Variants in ACTR8 observed in about 807,000 individuals in gnomAD.
ACTR8 encodes actin related protein 8.
A neutral mutation model predicts 84.3 loss-of-function variants in ACTR8; 70 were observed. That is an observed-to-expected ratio of 0.83 (90% confidence interval 0.68 to 1.01). The LOEUF (loss-of-function observed/expected upper bound fraction) is 1.01, where lower values mean the gene tolerates loss of function less well. ACTR8 is among the 50% of genes least tolerant of loss of function. The pLI is 0.00. For missense variants in ACTR8, 672 were observed against 775.4 expected (o/e 0.87, Z 1.58); for synonymous variants, 268 against 275.2 (o/e 0.97, Z 0.26).
At chr3:53,877,897 G>C in intron 3 of ACTR8, 146 bp from the exon 4 acceptor site, 1 of 647,176 alleles carries the variant, frequency 1.5e-6, no homozygotes, top group Non-Finnish European at 2.7e-6. Context: ...GGCTGCAAAA[G>C]GATTCTCTTG....
intron 11 of ACTR8, 67 bp downstream of exon 11, chr3:53,871,165 C>A: frequency 6.4e-7 from 1 of 1,574,358 alleles, no homozygotes; most frequent in South Asian, 1.2e-5. Flanking sequence ...ATATCCTAGA[C>A]TGAACCAATT....
chr3:53,872,620 A>C, intron 9 of ACTR8, 96 bp from the exon 10 acceptor site: 1 of 1,389,740 alleles, frequency 7.2e-7, no homozygotes, highest in Non-Finnish European at 9.6e-7. Context: ...AAACTGGCAG[A>C]TCAGATTCCC....
At chr3:53,859,027 C>G in the ACTR8 span, 1 of 477,002 alleles carries the variant, frequency 2.1e-6, no homozygotes. Flanking sequence ...TAAAACCACT[C>G]GTGACTCTTT....
In ACTR8 at chr3:53,868,744, C is replaced by T. The variant is rs1390608287; in HGVS notation, c.1850G>A (p.Arg617Gln). The stretch of plus-strand genomic sequence containing the variant: ...TCACCACACAAACGCAGCCCGCTCT[C>T]GTAACATGCGGACACCAAAGCGCTG... Reference protein sequence around the residue: ...EWQRFGVRMLRERAAFVW With the variant: ...EWQRFGVRMLQERAAFVW Residue 617 changes from arginine (R) to glutamine (Q), a missense_variant, in exon 13 of 13, where the codon CGA becomes CAA. Arg to Gln is a conservative substitution (Grantham distance 43). Transcript: ENST00000335754. 4 of 1,614,192 alleles carry T rather than the reference C, an allele frequency of 2.5e-6. No homozygotes were observed. Among genetic ancestry groups the T allele is most frequent in the Non-Finnish European group, 3.4e-6 (4 of 1,180,020 alleles).
chr3:53,881,699 A>AGCTTCCCCGGGTTGT (rs1700062920), intron 1 of ACTR8: 1 of 518,024 alleles, frequency 1.9e-6, no homozygotes, highest in Admixed American at 3.3e-5. Context: ...AGCTGAGGCC[A>AGCTTCCCCGGGTTGT]GAGCCCGGGC....
chr3:53,868,966 G>A, intron 12 of ACTR8, 104 bp from the exon 13 acceptor site: 1 of 1,430,222 alleles, frequency 7.0e-7, no homozygotes, highest in Non-Finnish European at 9.4e-7. Flanking sequence ...TCAATACCTA[G>A]TAAGCCAGGC....
intron 2 of ACTR8, 42 bp downstream of exon 2, chr3:53,879,897 G>C (rs373967746): frequency 4.9e-5 from 76 of 1,547,632 alleles, no homozygotes; most frequent in Non-Finnish European, 6.6e-5. Context: ...CCCTCCCAGG[G>C]AAACAACCTT....
chr3:53,878,317 T>C (rs1050970399), intron 3 of ACTR8, 40 bp downstream of exon 3: 10 of 1,346,456 alleles, frequency 7.4e-6, no homozygotes, highest in East Asian at 4.6e-5. Flanking sequence ...ATGATACCAA[T>C]AGTGGTGATA....
At position 53,872,659 on chromosome 3, in the gene ACTR8, G is replaced by A. The variant is rs533308714; in HGVS notation, c.1162-135C>T. 1,883 of 1,124,270 alleles carry A rather than the reference G, an allele frequency of 1.7e-3. 6 individuals carry two copies. Among genetic ancestry groups the A allele is most frequent in the South Asian group, 2.7e-3 (137 of 51,230 alleles). 69.6% of individuals were successfully genotyped at this position (1,124,270 alleles called of 1,614,324 possible). A position where few individuals can be genotyped will look rare whatever the true frequency, so the allele number is the denominator to read the frequency against. On this transcript the variant is annotated intron_variant, in intron 9 of 12. Coordinates refer to ENST00000335754, the MANE Select transcript of ACTR8 (RefSeq NM_022899.5). The stretch of plus-strand genomic sequence containing the variant: ...GTTAGACTGGGCAATGTTCTCTTTC[G>A]GGAGTGGCATTATTTCTCTGGTGCA...
At chr3:53,871,134 A>C in intron 11 of ACTR8, 98 bp downstream of exon 11, 1 of 1,466,582 alleles carries the variant, frequency 6.8e-7, no homozygotes, top group Non-Finnish European at 9.2e-7. Flanking sequence ...CTTTTCAATG[A>C]ATATGTTATA....
chr3:53,871,047 A>C, intron 11 of ACTR8, 185 bp downstream of exon 11: 1 of 807,056 alleles, frequency 1.2e-6, no homozygotes, highest in Non-Finnish European at 1.9e-6. Flanking sequence ...GGCCTCTTCC[A>C]CTAGGCTATA....
chr3:53,881,907 G>C, intron 1 of ACTR8, 72 bp downstream of exon 1: 1 of 1,546,130 alleles, frequency 6.5e-7, no homozygotes, highest in Non-Finnish European at 8.7e-7. Context: ...GCCTCCCGCC[G>C]CCTCCCGCCC....
At chr3:53,880,134 TGA>T in intron 1 of ACTR8, 25 bp from the exon 2 acceptor site, 1 of 1,599,678 alleles carries the variant, frequency 6.3e-7, no homozygotes, top group Non-Finnish European at 8.6e-7. Context: ...CATAGATGTG[TGA>T]CTTTGTAAAT....
chr3:53,862,281 TC>T (rs1476609893), downstream of ACTR8, among the ~76,000 whole-genome samples: 1 of 152,096 alleles, frequency 6.6e-6, no homozygotes, highest in Non-Finnish European at 1.5e-5. Context: ...ATAAGGACCT[TC>T]AAGGCTCATT....
Position 53,882,019 on chromosome 3 carries a change from C to T in ACTR8, c.83G>A (p.Arg28Gln), listed in dbSNP as rs1700073531. The T allele has an allele frequency of 6.4e-7, 1 of 1,551,956 alleles. No individual in the cohort carries two copies. Among genetic ancestry groups the T allele is most frequent in the Non-Finnish European group, 8.7e-7 (1 of 1,147,016 alleles). ...EKEKEQRGVKRPIVPALVPES... is the reference protein window; with the variant it reads ...EKEKEQRGVKQPIVPALVPES... Reference sequence around the variant, plus strand: ...CGGCACCAGCGCGGGCACGATGGGCCGCTTCACGCCGCGCTGCTCCTTCTC... The same window carrying T: ...CGGCACCAGCGCGGGCACGATGGGCTGCTTCACGCCGCGCTGCTCCTTCTC... Residue 28 changes from arginine (R) to glutamine (Q), a missense_variant, in exon 1 of 13, where the codon CGG becomes CAG. By Grantham distance (43) the Arg-to-Gln change is conservative. Transcript: ENST00000335754.
intron 1 of ACTR8, among the ~76,000 whole-genome samples, chr3:53,881,454 A>G (rs182363697): frequency 6.6e-6 from 1 of 152,160 alleles, no homozygotes; most frequent in Non-Finnish European, 1.5e-5. Context: ...ACAAGCTCTT[A>G]ATATATATTT....
chr3:53,877,072 A>G lies in ACTR8; in HGVS notation c.684+142T>C, dbSNP rs1699986681. 4.5e-5 allele frequency: 33 copies of G among 728,366 alleles called. 1 individual carries two copies. The South Asian group carries it at 9.1e-4, about 20-fold the overall frequency. The allele number at this position is 728,366 out of a possible 1,614,324, so 45.1% of individuals were successfully genotyped here. On this transcript the variant is annotated intron_variant, in intron 5 of 12. Coordinates refer to ENST00000335754, the MANE Select transcript of ACTR8 (RefSeq NM_022899.5). ...GGGAATTAAGTGAAGAAGAAAAGAC[A>G]TCCTCATGCCACCAAGAATCCTCAC... is the stretch of plus-strand genomic sequence containing the variant.
chr3:53,876,484 A>G, intron 6 of ACTR8, 136 bp downstream of exon 6: 1 of 621,392 alleles, frequency 1.6e-6, no homozygotes, highest in Non-Finnish European at 2.8e-6. Flanking sequence ...GCGCCACTGC[A>G]CTCCAGCCTG....
chr3:53,871,494 AG>A lies in ACTR8; in HGVS notation c.1304del (p.Ser435LeufsTer37). ...LLATQSKQEQ[S>X]AKATADRKSA... ...ACTTTCGGTCAGCAGTAGCTTTTGC[AG>A]ACTTTAAATCAAAAGGACAATCAAG... is the stretch of plus-strand genomic sequence containing the variant. On this transcript the variant is annotated frameshift_variant and splice_region_variant, in exon 11 of 13. Transcript: ENST00000335754. LOFTEE classifies it high-confidence loss of function. 6.2e-7 allele frequency: 1 copy of A among 1,613,882 alleles called. No homozygotes were observed. Among genetic ancestry groups the A allele is most frequent in the South Asian group, 1.1e-5 (1 of 91,076 alleles).
Sources: gnomAD v4.1 joint callset for allele counts (sites outside exome capture counted in the v4.1 genomes callset) on GRCh38, gnomAD v4.1.1 for gene constraint, MANE v1.5 for transcripts, NCBI Gene and HGNC (gene_info 2026-07-23, HGNC 2026-07-21) for gene names.